PAK1: variants seen among roughly 807,000 people sequenced by gnomAD.
The protein encoded by PAK1 is p21 (RAC1) activated kinase 1.
PAK1 carries 29 observed loss-of-function variants against 67.4 expected under a neutral mutation model. The ratio of observed to expected loss-of-function variants is 0.43; its 90% confidence interval spans 0.32 to 0.59. The LOEUF is 0.59. Among genes scored for constraint, PAK1 ranks in the 20% least tolerant of loss-of-function variants. The pLI is 0.07. For missense variants in PAK1, 337 were observed against 670.7 expected (o/e 0.50, Z 5.50); for synonymous variants, 223 against 237.4 (o/e 0.94, Z 0.56).
intron 1 of PAK1, among the ~76,000 whole-genome samples, chr11:77,437,310 A>G (rs1334625033): frequency 6.6e-6 from 1 of 152,218 alleles, no homozygotes; most frequent in East Asian, 1.9e-4. Flanking sequence ...ATTAACTGCT[A>G]TTAATTCACT....
intron 1 of PAK1, among the ~76,000 whole-genome samples, chr11:77,399,458 T>C (rs1952308792): frequency 6.6e-6 from 1 of 152,234 alleles, no homozygotes; most frequent in African/African-American, 2.4e-5. Flanking sequence ...TAGAATCCCC[T>C]GTGAGCTTTT....
At chr11:77,498,786 C>T in the PAK1 span, among the ~76,000 whole-genome samples, 7 of 148,512 alleles carry the variant, frequency 4.7e-5, no homozygotes, top group African/African-American at 1.5e-4. Context: ...CTGCAACCTC[C>T]GCCTCCCATG....
intron 1 of PAK1, among the ~76,000 whole-genome samples, chr11:77,405,431 C>G (rs1953344326): frequency 6.6e-6 from 1 of 151,732 alleles, no homozygotes; most frequent in Non-Finnish European, 1.5e-5. Context: ...GGAGTTATTG[C>G]AATAATCCAG....
intron 1 of PAK1, among the ~76,000 whole-genome samples, chr11:77,426,671 G>A (rs1417061146): frequency 2.0e-5 from 3 of 152,122 alleles, no homozygotes; most frequent in Non-Finnish European, 4.4e-5. Context: ...ATTCTACTGT[G>A]TCTCAGGCCA....
chr11:77,503,866 T>C, the PAK1 span, among the ~76,000 whole-genome samples: 1 of 152,096 alleles, frequency 6.6e-6, no homozygotes, highest in Admixed American at 6.6e-5. Flanking sequence ...ATAAATTAAT[T>C]AGTAATAAAA....
intron 1 of PAK1, among the ~76,000 whole-genome samples, chr11:77,466,955 T>C (rs1957626137): frequency 6.6e-6 from 1 of 152,192 alleles, no homozygotes; most frequent in African/African-American, 2.4e-5. Flanking sequence ...TAAAGTCAGA[T>C]AATATCAGTA....
chr11:77,467,968 T>G (rs1449571161), intron 1 of PAK1, among the ~76,000 whole-genome samples: 4 of 152,082 alleles, frequency 2.6e-5, no homozygotes, highest in Non-Finnish European at 5.9e-5. Flanking sequence ...CAGGAGGAAA[T>G]AAGGAAAGCT....
intron 4 of PAK1, among the ~76,000 whole-genome samples, chr11:77,376,811 C>A (rs974677223): frequency 2.6e-5 from 4 of 151,446 alleles, no homozygotes; most frequent in Non-Finnish European, 5.9e-5. Flanking sequence ...GAAGATTGTG[C>A]TTCGGTTATA....
intron 1 of PAK1, among the ~76,000 whole-genome samples, chr11:77,432,437 A>C (rs181153689): frequency 6.6e-6 from 1 of 151,878 alleles, no homozygotes; most frequent in East Asian, 1.9e-4. Context: ...GGTCAGAGCA[A>C]TTAGGTGGAA....
intron 14 of PAK1, among the ~76,000 whole-genome samples, chr11:77,326,195 A>T (rs894725656): frequency 2.6e-5 from 4 of 152,238 alleles, no homozygotes; most frequent in African/African-American, 9.6e-5. Flanking sequence ...GCGGCCTGCT[A>T]AAGGCAATTT....
Position 77,364,975 on chromosome 11 carries a change from G to C in PAK1, c.478-5958C>G, listed in dbSNP as rs58817645. Among the ~76,000 whole-genome samples, 1,207 of 152,284 alleles carry C rather than the reference G, an allele frequency of 7.9e-3. 20 individuals carry two copies. The highest frequency in any genetic ancestry group is 0.028 in the African/African-American group (1,160 of 41,558). Reference sequence around the variant, plus strand: ...ATGAATTTGAAAATGGAGGTGGGGAGCGGTGGCTCACACCTGTAATCCTAG... The same window carrying C: ...ATGAATTTGAAAATGGAGGTGGGGACCGGTGGCTCACACCTGTAATCCTAG... On this transcript the variant is annotated intron_variant, in intron 5 of 14. Transcript: ENST00000356341.
intron 2 of PAK1, among the ~76,000 whole-genome samples, chr11:77,388,049 T>C (rs1299950885): frequency 6.6e-6 from 1 of 152,236 alleles, no homozygotes; most frequent in African/African-American, 2.4e-5. Flanking sequence ...AGGGCAAATA[T>C]AGAAAATCTG....
intron 1 of PAK1, among the ~76,000 whole-genome samples, chr11:77,429,428 G>A (rs539805102): frequency 6.6e-6 from 1 of 152,252 alleles, no homozygotes; most frequent in Admixed American, 6.6e-5. Context: ...AGAGAAAAGA[G>A]TAACTTCACA....
chr11:77,355,941 A>G (rs1033341965), intron 6 of PAK1, 99 bp from the exon 7 acceptor site: 17 of 706,160 alleles, frequency 2.4e-5, no homozygotes. Flanking sequence ...GCAAACCCCA[A>G]TAAACTCATC....
chr11:77,334,283 C>T (rs540100634), intron 13 of PAK1, among the ~76,000 whole-genome samples: 6 of 152,104 alleles, frequency 3.9e-5, no homozygotes, highest in Non-Finnish European at 8.8e-5. Flanking sequence ...TCTGCAAGGC[C>T]GTTCTAAGGG....
At chr11:77,351,907 T>C (rs1235950851) in intron 8 of PAK1, among the ~76,000 whole-genome samples, 10 of 152,082 alleles carry the variant, frequency 6.6e-5, no homozygotes, top group Admixed American at 6.6e-4. Flanking sequence ...AGGTATAACT[T>C]AATTTGCACA....
At chr11:77,397,586 G>A (rs2137584775) in intron 1 of PAK1, among the ~76,000 whole-genome samples, 1 of 152,228 alleles carries the variant, frequency 6.6e-6, no homozygotes, top group African/African-American at 2.4e-5. Flanking sequence ...TAGAAAGACG[G>A]GAAAGAAAAC....
At chr11:77,451,033 G>A (rs1309694838) in intron 1 of PAK1, among the ~76,000 whole-genome samples, 1 of 152,178 alleles carries the variant, frequency 6.6e-6, no homozygotes, top group African/African-American at 2.4e-5. Context: ...AGAACAAGAA[G>A]TTCTGATGTA....
At chr11:77,439,947 T>C (rs1956283529) in intron 1 of PAK1, among the ~76,000 whole-genome samples, 1 of 152,142 alleles carries the variant, frequency 6.6e-6, no homozygotes, top group South Asian at 2.1e-4. Flanking sequence ...AGCATAAAGT[T>C]AGAAACCTAG....
Sources: allele counts gnomAD v4.1 joint callset (sites outside exome capture counted in the v4.1 genomes callset), GRCh38; gene constraint gnomAD v4.1.1; transcripts MANE v1.5; gene names NCBI Gene and HGNC (gene_info 2026-07-23, HGNC 2026-07-21).